Variants in MCTP1 observed in about 807,000 individuals in gnomAD.
MCTP1 encodes multiple C2 and transmembrane domain-containing protein 1.
In MCTP1, 69 loss-of-function variants were observed where a neutral mutation model predicts 120.6. That is an observed-to-expected ratio of 0.57 (90% CI 0.47 to 0.70). The LOEUF (loss-of-function observed/expected upper bound fraction) is 0.70, where lower values mean the gene tolerates loss of function less well. MCTP1 is among the 30% of genes least tolerant of loss of function. MCTP1 has a pLI of 0.00. For missense variants in MCTP1, 1,203 were observed against 1,248.8 expected (o/e 0.96, Z 0.55); for synonymous variants, 529 against 493.1 (o/e 1.07, Z -0.96).
intron 1 of MCTP1, among the ~76,000 whole-genome samples, chr5:95,065,509 T>A (rs1038790232): frequency 2.6e-5 from 4 of 152,128 alleles, no homozygotes; most frequent in East Asian, 1.9e-4. Context: ...AAGGCAAAAT[T>A]TATATGATTA....
chr5:94,802,945 T>C (rs1246235284), intron 17 of MCTP1, among the ~76,000 whole-genome samples: 1 of 152,126 alleles, frequency 6.6e-6, no homozygotes, highest in African/African-American at 2.4e-5. Flanking sequence ...TACAGAGTGT[T>C]AAATTCCTTC....
At chr5:95,247,002 C>T (rs1029725934) in intron 1 of MCTP1, among the ~76,000 whole-genome samples, 3 of 152,152 alleles carry the variant, frequency 2.0e-5, no homozygotes, top group Non-Finnish European at 4.4e-5. Flanking sequence ...TAGAATTCAG[C>T]TGTGAATCCA....
intron 1 of MCTP1, among the ~76,000 whole-genome samples, chr5:95,204,113 T>A (rs777178668): frequency 5.3e-5 from 8 of 152,150 alleles, no homozygotes; most frequent in Non-Finnish European, 1.2e-4. Context: ...TATCTTAATT[T>A]CAAAATTGGA....
rs145682846 is a variant in MCTP1 at position 95,264,298 on chromosome 5, T to C, written c.720+19558A>G. ...TTTGTACCATAGCTAACTTTAAAACTAGTCATCTCATTAGCATGGCTTTTC... is the reference window on the plus strand; with the variant it reads ...TTTGTACCATAGCTAACTTTAAAACCAGTCATCTCATTAGCATGGCTTTTC... On this transcript the variant is annotated intron_variant, in intron 1 of 22. Coordinates refer to ENST00000515393, the MANE Select transcript of MCTP1 (RefSeq NM_024717.7). Among the ~76,000 whole-genome samples, 1,042 of 152,364 alleles carry C rather than the reference T, an allele frequency of 6.8e-3. 13 individuals carry two copies. Among genetic ancestry groups the C allele is most frequent in the African/African-American group, 0.023 (948 of 41,582 alleles).
intron 2 of MCTP1, among the ~76,000 whole-genome samples, chr5:95,012,430 T>G (rs1030143324): frequency 6.6e-6 from 1 of 152,142 alleles, no homozygotes; most frequent in African/African-American, 2.4e-5. Flanking sequence ...CATACCTCAT[T>G]TCATTGCACT....
At chr5:94,950,946 C>CAAA (rs1186726298) in intron 3 of MCTP1, among the ~76,000 whole-genome samples, 5,543 of 107,190 alleles carry the variant, frequency 0.052, 171 homozygotes, top group Middle Eastern at 0.11. Flanking sequence ...GACTCTGTCT[C>CAAA]AAAAAAAAAA....
rs142550550 is a variant in MCTP1, at chr5:94,798,989, A to G, written c.2556+24T>C. On this transcript the variant is annotated intron_variant, in intron 18 of 22. Coordinates refer to ENST00000515393, the MANE Select transcript of MCTP1 (RefSeq NM_024717.7). ...ACTCAGAATAAGAACAAAAACACAT[A>G]CAAGTAAGAGAGTAGAGACTTACTG... 2,603 of 1,597,044 alleles carry G rather than the reference A, an allele frequency of 1.6e-3. 19 individuals are homozygous for G. Among genetic ancestry groups the G allele is most frequent in the South Asian group, 0.012 (1,090 of 87,684 alleles).
intron 17 of MCTP1, among the ~76,000 whole-genome samples, chr5:94,814,251 A>G (rs1784039457): frequency 6.6e-6 from 1 of 152,238 alleles, no homozygotes; most frequent in Admixed American, 6.5e-5. Flanking sequence ...AAATAAATAA[A>G]TAAAAAGTGC....
intron 1 of MCTP1, among the ~76,000 whole-genome samples, chr5:95,218,884 A>G (rs1013472325): frequency 6.6e-6 from 1 of 152,192 alleles, no homozygotes; most frequent in African/African-American, 2.4e-5. Context: ...GTATCTAAAC[A>G]TATCTAAACA....
At chr5:95,090,968 A>G (rs1191357597) in intron 1 of MCTP1, among the ~76,000 whole-genome samples, 2 of 152,198 alleles carry the variant, frequency 1.3e-5, no homozygotes, top group Non-Finnish European at 2.9e-5. Context: ...TTACTTTTGC[A>G]CCAACCTAAT....
intron 1 of MCTP1, among the ~76,000 whole-genome samples, chr5:95,192,821 CT>C (rs1749970270): frequency 6.6e-6 from 1 of 152,068 alleles, no homozygotes; most frequent in African/African-American, 2.4e-5. Context: ...TTACAAAGGC[CT>C]ATTACGGTTC....
chr5:94,915,284 A>G (rs752295495), intron 8 of MCTP1, among the ~76,000 whole-genome samples: 49 of 152,296 alleles, frequency 3.2e-4, no homozygotes, highest in South Asian at 4.2e-4. Context: ...TAGAACCCCA[A>G]TATTTCTCAT....
At chr5:94,816,483 T>G (rs1221517192) in intron 17 of MCTP1, among the ~76,000 whole-genome samples, 1 of 152,148 alleles carries the variant, frequency 6.6e-6, no homozygotes, top group African/African-American at 2.4e-5. Flanking sequence ...TTTTTATTAT[T>G]TTGAAACCTA....
intron 18 of MCTP1, among the ~76,000 whole-genome samples, chr5:94,794,318 T>G (rs75753953): frequency 0.011 from 1,658 of 152,386 alleles, 10 homozygotes; most frequent in Middle Eastern, 0.037. Flanking sequence ...TCAGCTTTGA[T>G]GGACTCTTCC....
chr5:95,069,259 C>T lies in MCTP1; in HGVS notation c.721-51775G>A, dbSNP rs376900112. 6.2e-4 allele frequency among the ~76,000 whole-genome samples: 95 copies of T among 152,276 alleles called. 1 individual carries two copies. The South Asian group carries it at 0.019, about 31-fold the overall frequency. On this transcript the variant is annotated intron_variant, in intron 1 of 22. Coordinates refer to ENST00000515393, the MANE Select transcript of MCTP1 (RefSeq NM_024717.7). ...GGAAACAGTGATGAGTGAAATTGAC[C>T]ATAAACTATCTACATAGCATAAACA...
chr5:95,092,978 T>C (rs916438371), intron 1 of MCTP1, among the ~76,000 whole-genome samples: 1 of 152,176 alleles, frequency 6.6e-6, no homozygotes, highest in Non-Finnish European at 1.5e-5. Flanking sequence ...GAGCTGAAAG[T>C]AAAGAAGCAC....
chr5:95,047,906 A>G (rs1744976216), intron 1 of MCTP1, among the ~76,000 whole-genome samples: 1 of 152,196 alleles, frequency 6.6e-6, no homozygotes, highest in African/African-American at 2.4e-5. Flanking sequence ...CCTACCCACT[A>G]GCTAACTCAT....
rs1476509322 is a variant in MCTP1, at chr5:94,704,606, G to C, written c.*2890C>G. ...TTTTATAAAAGATAATTTTAGAAAT[G>C]TATCAATTAAATTTGGCTCTCACTG... On this transcript the variant is annotated 3_prime_UTR_variant, in exon 23 of 23. Coordinates refer to ENST00000515393, the MANE Select transcript of MCTP1 (RefSeq NM_024717.7). 2 of 151,196 alleles carry C rather than the reference G, an allele frequency of 1.3e-5. No individual in the cohort carries two copies. The highest frequency in any genetic ancestry group is 4.8e-5 in the African/African-American group (2 of 41,290). 9.4% of individuals were successfully genotyped at this position (151,196 alleles called of 1,614,324 possible).
At chr5:95,155,410 T>C (rs2152465405) in intron 1 of MCTP1, among the ~76,000 whole-genome samples, 1 of 152,304 alleles carries the variant, frequency 6.6e-6, no homozygotes, top group East Asian at 1.9e-4. Flanking sequence ...GAGTATAAAA[T>C]TCCTTCAAAT....
Sources: allele counts gnomAD v4.1 joint callset (sites outside exome capture counted in the v4.1 genomes callset), GRCh38; gene constraint gnomAD v4.1.1; transcripts MANE v1.5; gene names NCBI Gene and HGNC (gene_info 2026-07-23, HGNC 2026-07-21).